The following TEAD1 variants were observed in gnomAD, a reference collection of about 807,000 sequenced individuals.
TEAD1 encodes TEA domain transcription factor 1.
In TEAD1, 9 loss-of-function variants were observed where a neutral mutation model predicts 54.9. The ratio of observed to expected loss-of-function variants is 0.16; its 90% CI spans 0.10 to 0.29. TEAD1 has a LOEUF of 0.29. Among genes scored for constraint, TEAD1 ranks in the 10% least tolerant of loss-of-function variants. TEAD1 has a pLI of 1.00. For synonymous variants in TEAD1, 200 were observed against 187.8 expected (o/e 1.07, Z -0.53); for missense variants, 387 against 535.9 (o/e 0.72, Z 2.74).
chr11:12,816,801 C>G (rs1439303865), intron 3 of TEAD1, among the ~76,000 whole-genome samples: 2 of 152,106 alleles, frequency 1.3e-5, no homozygotes, highest in Non-Finnish European at 2.9e-5. Flanking sequence ...TCTTAAGATG[C>G]TCATGGTTTA....
intron 3 of TEAD1, among the ~76,000 whole-genome samples, chr11:12,773,614 T>A (rs558997575): frequency 6.6e-6 from 1 of 152,308 alleles, no homozygotes; most frequent in African/African-American, 2.4e-5. Context: ...AATTGGAGGG[T>A]TTATGTTGTT....
intron 5 of TEAD1, among the ~76,000 whole-genome samples, chr11:12,870,542 T>A (rs1947723900): frequency 6.6e-6 from 1 of 151,146 alleles, no homozygotes; most frequent in South Asian, 2.1e-4. Flanking sequence ...ACATTCAGAG[T>A]TGTGGGGATT....
intron 2 of TEAD1, among the ~76,000 whole-genome samples, chr11:12,693,417 A>G (rs1807732256): frequency 6.6e-6 from 1 of 152,246 alleles, no homozygotes; most frequent in Non-Finnish European, 1.5e-5. Flanking sequence ...ATCTTAAGCT[A>G]CATGCTTCTG....
At chr11:12,677,626 G>A (rs1258377621) in intron 2 of TEAD1, among the ~76,000 whole-genome samples, 3 of 152,130 alleles carry the variant, frequency 2.0e-5, no homozygotes, top group African/African-American at 7.2e-5. Flanking sequence ...ATTTCTTAAC[G>A]GGAACGTTTG....
At chr11:12,872,348 T>C (rs1947765907) in intron 5 of TEAD1, among the ~76,000 whole-genome samples, 1 of 152,240 alleles carries the variant, frequency 6.6e-6, no homozygotes, top group Non-Finnish European at 1.5e-5. Context: ...CTCCTTTGTC[T>C]GTGTCCACAC....
intron 3 of TEAD1, among the ~76,000 whole-genome samples, chr11:12,815,061 A>G (rs941311534): frequency 2.6e-5 from 4 of 152,184 alleles, no homozygotes; most frequent in Non-Finnish European, 1.5e-5. Context: ...TTGAAAAGGG[A>G]AAGACGCAGG....
intron 9 of TEAD1, among the ~76,000 whole-genome samples, chr11:12,892,138 G>A (rs892439391): frequency 1.3e-5 from 2 of 152,182 alleles, no homozygotes; most frequent in Non-Finnish European, 2.9e-5. Context: ...GTGGGCCCAA[G>A]GATGATTTAA....
chr11:12,833,840 C>T (rs1387643940), intron 3 of TEAD1, among the ~76,000 whole-genome samples: 1 of 152,032 alleles, frequency 6.6e-6, no homozygotes, highest in African/African-American at 2.4e-5. Context: ...TTCAAGAATC[C>T]CATAGGTGCC....
At chr11:12,912,236 AG>A (rs1309008495) in intron 10 of TEAD1, among the ~76,000 whole-genome samples, 7 of 152,146 alleles carry the variant, frequency 4.6e-5, no homozygotes, top group African/African-American at 1.7e-4. Flanking sequence ...TGTGATTGAG[AG>A]TTCTGATTTG....
In TEAD1 at chr11:12,698,327, C is replaced by G. The variant is rs140211616; in HGVS notation, c.-55+22766C>G. The stretch of plus-strand genomic sequence containing the variant: ...TTGGTGGGAGGATTATGTGTTAGGA[C>G]AAGGCTAGGGGAAAGGTGAAGTGGG... On this transcript the variant is annotated intron_variant, in intron 2 of 12. Coordinates refer to ENST00000527636, the MANE Select transcript of TEAD1 (RefSeq NM_021961.6). Among the ~76,000 whole-genome samples the G allele has an allele frequency of 5.3e-5, 8 of 151,826 alleles. No homozygotes were observed. In the East Asian group the frequency reaches 1.6e-3, roughly 30 times the overall value.
chr11:12,864,611 T>C, intron 4 of TEAD1: 1 of 1,292,970 alleles, frequency 7.7e-7, no homozygotes, highest in Non-Finnish European at 1.0e-6. Flanking sequence ...TTATATTTGA[T>C]TTCCTTTTTT....
At chr11:12,719,438 G>T (rs972873636) in intron 2 of TEAD1, among the ~76,000 whole-genome samples, 1 of 152,124 alleles carries the variant, frequency 6.6e-6, no homozygotes, top group Non-Finnish European at 1.5e-5. Context: ...ATGCCTTGCT[G>T]AGTGCAGGCA....
intron 9 of TEAD1, among the ~76,000 whole-genome samples, chr11:12,887,084 TTTTTTTTTG>T (rs1300752542): frequency 6.0e-4 from 5 of 8,370 alleles, no homozygotes; most frequent in Non-Finnish European, 1.7e-3. Flanking sequence ...TTTTTTTGTT[TTTTTTTTTG>T]TTTGTTTTTT....
intron 2 of TEAD1, among the ~76,000 whole-genome samples, chr11:12,753,333 G>A (rs764508247): frequency 1.3e-5 from 2 of 152,182 alleles, no homozygotes; most frequent in Non-Finnish European, 2.9e-5. Flanking sequence ...GTTTTGGTAT[G>A]TAGATATTGC....
intron 3 of TEAD1, among the ~76,000 whole-genome samples, chr11:12,769,493 G>A (rs1945274445): frequency 6.6e-6 from 1 of 152,158 alleles, no homozygotes; most frequent in Admixed American, 6.5e-5. Context: ...TCCTCTGGAT[G>A]CAGAGGACTG....
At chr11:12,885,286 A>T (rs1948064592) in intron 9 of TEAD1, among the ~76,000 whole-genome samples, 1 of 137,020 alleles carries the variant, frequency 7.3e-6, no homozygotes, top group South Asian at 2.3e-4. Context: ...CCCAGGCTGG[A>T]GTGCAGTGGT....
At chr11:12,714,925 C>G (rs1944023541) in intron 2 of TEAD1, among the ~76,000 whole-genome samples, 1 of 152,138 alleles carries the variant, frequency 6.6e-6, no homozygotes, top group East Asian at 1.9e-4. Context: ...GGCCATGTCT[C>G]CAAATGCTGT....
chr11:12,812,542 A>G (rs1946324704), intron 3 of TEAD1, among the ~76,000 whole-genome samples: 1 of 152,206 alleles, frequency 6.6e-6, no homozygotes, highest in South Asian at 2.1e-4. Context: ...CATTGACACA[A>G]ATTTTTAAAA....
chr11:12,675,072 T>C (rs977207763), intron 1 of TEAD1, among the ~76,000 whole-genome samples: 6 of 146,080 alleles, frequency 4.1e-5, no homozygotes, highest in Non-Finnish European at 6.1e-5. Context: ...GGCCGCGCGC[T>C]GGGAGCCCGC....
Sources: allele counts gnomAD v4.1 joint callset (sites outside exome capture counted in the v4.1 genomes callset), GRCh38; gene constraint gnomAD v4.1.1; transcripts MANE v1.5; gene names NCBI Gene and HGNC (gene_info 2026-07-23, HGNC 2026-07-21).